Variants in GSG1L observed in about 807,000 individuals in gnomAD.
The protein encoded by GSG1L is germ cell-specific gene 1-like protein.
In GSG1L, 24 loss-of-function variants were observed where a neutral mutation model predicts 42.1. The ratio of observed to expected loss-of-function variants is 0.57; its 90% confidence interval spans 0.41 to 0.80. GSG1L has a LOEUF of 0.80. Ranked by LOEUF, GSG1L falls within the 30% of genes least tolerant of loss-of-function variation. The pLI, the probability that GSG1L is intolerant of heterozygous loss-of-function variation, is 0.00. For missense variants in GSG1L, 445 were observed against 472.2 expected (o/e 0.94, Z 0.53); for synonymous variants, 215 against 203.5 (o/e 1.06, Z -0.48).
intron 2 of GSG1L, among the ~76,000 whole-genome samples, chr16:27,899,076 C>T (rs4788004): frequency 0.24 from 36,011 of 152,114 alleles, 4,429 homozygotes; most frequent in South Asian, 0.28. Context: ...GGGCAAGGCT[C>T]GGGGAGGAGG....
intron 3 of GSG1L, among the ~76,000 whole-genome samples, chr16:27,865,025 T>G (rs2083697466): frequency 6.6e-6 from 1 of 152,178 alleles, no homozygotes; most frequent in African/African-American, 2.4e-5. Context: ...GACAGGTTTG[T>G]GCTGTGAGGT....
At chr16:27,914,060 C>T (rs572653627) in intron 2 of GSG1L, among the ~76,000 whole-genome samples, 1 of 151,914 alleles carries the variant, frequency 6.6e-6, no homozygotes, top group East Asian at 1.9e-4. Context: ...TGCAGTTTTG[C>T]ACCCTGTTAC....
chr16:27,979,533 C>G (rs1460132921), intron 1 of GSG1L, among the ~76,000 whole-genome samples: 5 of 141,178 alleles, frequency 3.5e-5, no homozygotes, highest in Non-Finnish European at 6.1e-5. Context: ...CATGCCCTTG[C>G]ACTCCAGCCT....
intron 1 of GSG1L, among the ~76,000 whole-genome samples, chr16:28,061,401 G>A (rs539459962): frequency 2.4e-4 from 36 of 152,242 alleles, no homozygotes; most frequent in African/African-American, 8.4e-4. Flanking sequence ...TCAGGGGCAG[G>A]TCCATATTCA....
intron 1 of GSG1L, among the ~76,000 whole-genome samples, chr16:28,046,654 C>T (rs1368597279): frequency 1.3e-5 from 2 of 152,074 alleles, no homozygotes; most frequent in Admixed American, 6.5e-5. Context: ...AAGCCCGGCC[C>T]GAAATCCAGT....
intron 2 of GSG1L, among the ~76,000 whole-genome samples, chr16:27,914,488 T>C (rs1456027225): frequency 1.3e-5 from 2 of 152,136 alleles, no homozygotes; most frequent in African/African-American, 4.8e-5. Flanking sequence ...AGAGCTGTTT[T>C]AGAAGCGTTT....
In GSG1L at chr16:28,049,945, T is replaced by C. The variant is rs140671667; in HGVS notation, c.349+13131A>G. Among the ~76,000 whole-genome samples, 171 of 152,324 alleles carry C rather than the reference T, an allele frequency of 1.1e-3. 1 individual carries two copies. Among genetic ancestry groups the C allele is most frequent in the Non-Finnish European group, 2.0e-3 (138 of 68,030 alleles). On this transcript the variant is annotated intron_variant, in intron 1 of 6. Transcript: ENST00000447459. ...CTACATCTCTATATGAAATTATTGA[T>C]TTATCTACGGTTTAACTTACTCATT...
intron 1 of GSG1L, among the ~76,000 whole-genome samples, chr16:27,996,989 T>C (rs796359909): frequency 6.6e-6 from 1 of 152,156 alleles, no homozygotes; most frequent in African/African-American, 2.4e-5. Context: ...CTCGAACTTC[T>C]GACTTCAGGT....
At chr16:27,994,686 T>TA (rs199714036) in intron 1 of GSG1L, among the ~76,000 whole-genome samples, 23 of 152,006 alleles carry the variant, frequency 1.5e-4, no homozygotes, top group African/African-American at 4.3e-4. Flanking sequence ...TGTGAGTCAA[T>TA]AAAAAAAATC....
chr16:28,025,591 A>T (rs992752064), intron 1 of GSG1L, among the ~76,000 whole-genome samples: 4 of 152,158 alleles, frequency 2.6e-5, no homozygotes, highest in Non-Finnish European at 4.4e-5. Flanking sequence ...TATCTTAATC[A>T]TCTCTGTCAC....
chr16:27,847,336 G>T (rs1024829030), intron 3 of GSG1L, among the ~76,000 whole-genome samples: 17 of 152,184 alleles, frequency 1.1e-4, no homozygotes, highest in Admixed American at 2.6e-4. Flanking sequence ...CACTGGAAAT[G>T]GGGGGATGTT....
At chr16:28,005,456 G>T (rs2085627803) in intron 1 of GSG1L, among the ~76,000 whole-genome samples, 1 of 152,190 alleles carries the variant, frequency 6.6e-6, no homozygotes, top group Non-Finnish European at 1.5e-5. Flanking sequence ...CCCTGTAAGG[G>T]TTTGTATTTC....
chr16:27,932,704 T>G (rs7194900), intron 2 of GSG1L, among the ~76,000 whole-genome samples: 98,854 of 151,936 alleles, frequency 0.65, 32,906 homozygotes, highest in South Asian at 0.75. Context: ...TCACCCATCC[T>G]ACTAACTTTG....
chr16:28,029,587 GGGT>G (rs1212783156), intron 1 of GSG1L, among the ~76,000 whole-genome samples: 2 of 152,086 alleles, frequency 1.3e-5, no homozygotes, highest in Non-Finnish European at 2.9e-5. Flanking sequence ...ATGGATGCAT[GGGT>G]GGATGGATGG....
chr16:27,939,658 A>C (rs76595543), intron 2 of GSG1L, among the ~76,000 whole-genome samples: 3,311 of 152,238 alleles, frequency 0.022, 114 homozygotes, highest in African/African-American at 0.076. Context: ...ATATATTTAG[A>C]AGAAGAGATG....
chr16:27,917,584 G>T (rs539070558), intron 2 of GSG1L, among the ~76,000 whole-genome samples: 1 of 152,146 alleles, frequency 6.6e-6, no homozygotes, highest in African/African-American at 2.4e-5. Context: ...CAGCAACTGG[G>T]GCCAGATGGC....
intron 4 of GSG1L, among the ~76,000 whole-genome samples, chr16:27,841,047 C>G (rs924566936): frequency 3.9e-5 from 6 of 152,174 alleles, no homozygotes; most frequent in African/African-American, 1.4e-4. Context: ...ACTATTATTA[C>G]TACATAATAA....
At chr16:27,973,439 CAAAAAAAAAAA>C (rs71140935) in intron 1 of GSG1L, among the ~76,000 whole-genome samples, 44 of 29,858 alleles carry the variant, frequency 1.5e-3, no homozygotes, top group East Asian at 4.1e-3. Flanking sequence ...GACCCCATCA[CAAAAAAAAAAA>C]AAAAAAAAAA....
rs1310347003 is a variant in GSG1L, at chr16:27,835,708, T to C, written c.663-6752A>G. On this transcript the variant is annotated intron_variant, in intron 4 of 6. Coordinates refer to ENST00000447459, the MANE Select transcript of GSG1L (RefSeq NM_001109763.2). ...TTAGGGGTTGCTCTGGGTCTTACATTATATATACATAACTAATCACAGTCT... is the reference window on the plus strand; with the variant it reads ...TTAGGGGTTGCTCTGGGTCTTACATCATATATACATAACTAATCACAGTCT... Among the ~76,000 whole-genome samples the C allele has an allele frequency of 3.3e-5, 5 of 152,256 alleles. No individual in the cohort carries two copies. The East Asian group carries it at 9.6e-4, about 29-fold the overall frequency.
Sources: allele counts gnomAD v4.1 joint callset (sites outside exome capture counted in the v4.1 genomes callset), GRCh38; gene constraint gnomAD v4.1.1; transcripts MANE v1.5; gene names NCBI Gene and HGNC (gene_info 2026-07-23, HGNC 2026-07-21).